The following PUDP variants were observed in gnomAD, a reference collection of about 807,000 sequenced individuals.
PUDP encodes pseudouridine-5'-phosphatase.
PUDP carries 8 observed loss-of-function variants against 9.4 expected under a neutral mutation model. That is an observed-to-expected ratio of 0.85 (90% CI 0.50 to 1.53). The LOEUF (loss-of-function observed/expected upper bound fraction) is 1.53, where lower values mean the gene tolerates loss of function less well. Among genes scored for constraint, PUDP ranks in the 40% most tolerant of loss-of-function variants. PUDP has a pLI of 0.00. For synonymous variants in PUDP, 99 were observed against 80.7 expected, an observed-to-expected ratio of 1.23 and a Z score of -1.22; for missense variants, 188 against 189.7, an observed-to-expected ratio of 0.99 and a Z score of 0.05.
chrX:7,022,298 A>T (rs1929644314), intron 1 of PUDP, among the ~76,000 whole-genome samples: 2 of 111,946 alleles, frequency 1.8e-5, no homozygotes, highest in Non-Finnish European at 3.8e-5. Flanking sequence ...TGCATGAAGT[A>T]CATCCTGTTT....
chrX:6,937,527 C>T (rs1928325306), intron 3 of PUDP, among the ~76,000 whole-genome samples: 1 of 103,890 alleles, frequency 9.6e-6, no homozygotes, highest in Admixed American at 1.1e-4. Flanking sequence ...ACCATAAAAA[C>T]CCTAGAAGAA....
chrX:6,760,803 C>T (rs1259872690), intron 3 of PUDP, among the ~76,000 whole-genome samples: 1 of 112,042 alleles, frequency 8.9e-6, no homozygotes, highest in African/African-American at 3.2e-5. Flanking sequence ...AATTAGTAAG[C>T]ATCACTACCG....
intron 3 of PUDP, among the ~76,000 whole-genome samples, chrX:6,805,464 G>A (rs1433033347): frequency 1.8e-5 from 2 of 110,299 alleles, no homozygotes; most frequent in Non-Finnish European, 3.8e-5. Context: ...CTGAGGCCCA[G>A]AGTACAAAGA....
At chrX:6,932,502 C>CGAACAG (rs1217421983) in intron 3 of PUDP, among the ~76,000 whole-genome samples, 1 of 111,691 alleles carries the variant, frequency 9.0e-6, no homozygotes, top group Non-Finnish European at 1.9e-5. Flanking sequence ...CCATGATGGC[C>CGAACAG]GAACAGGAAC....
chrX:6,986,655 G>A (rs1479511206), intron 1 of PUDP, among the ~76,000 whole-genome samples: 2 of 111,623 alleles, frequency 1.8e-5, no homozygotes, highest in Non-Finnish European at 3.8e-5. Flanking sequence ...CAGGGCTCGG[G>A]TCTGACATGA....
chrX:6,841,498 G>A (rs1926670161), intron 3 of PUDP, among the ~76,000 whole-genome samples: 1 of 110,031 alleles, frequency 9.1e-6, no homozygotes, highest in Admixed American at 9.7e-5. Flanking sequence ...CTACTCTGGA[G>A]GCTGAGGTGG....
At chrX:7,064,395 C>T (rs747997487) in intron 3 of PUDP, among the ~76,000 whole-genome samples, 5 of 112,040 alleles carry the variant, frequency 4.5e-5, no homozygotes, top group African/African-American at 9.7e-5. Context: ...GGGAACACAA[C>T]CAGAAACCGT....
intron 3 of PUDP, among the ~76,000 whole-genome samples, chrX:6,967,805 T>C (rs1257579621): frequency 8.9e-6 from 1 of 111,839 alleles, no homozygotes; most frequent in Non-Finnish European, 1.9e-5. Flanking sequence ...GGACTTTAAC[T>C]TTCCCTCTGC....
At chrX:7,007,471 G>A (rs1409680759) in intron 1 of PUDP, among the ~76,000 whole-genome samples, 1 of 112,665 alleles carries the variant, frequency 8.9e-6, no homozygotes, top group Non-Finnish European at 1.9e-5. Flanking sequence ...TGCAATATAA[G>A]TAAAACACCA....
rs777392270 is a variant in PUDP at position 6,975,650 on chromosome X, C to G, written c.*247+1483G>C. 4.5e-5 allele frequency among the ~76,000 whole-genome samples: 5 copies of G among 111,582 alleles called. No homozygotes were observed. The South Asian group carries it at 1.9e-3, about 42-fold the overall frequency. ...CTCTCCTGTATGAGGTGTCTGTTGA[C>G]CCCTACTGGGAGGTGTCTCCCAGTC... On this transcript the variant is annotated intron_variant and NMD_transcript_variant, in intron 3 of 3. Coordinates refer to the PUDP transcript ENST00000655425.
At chrX:6,985,235 C>A (rs186081734) in intron 1 of PUDP, among the ~76,000 whole-genome samples, 1 of 112,252 alleles carries the variant, frequency 8.9e-6, no homozygotes, top group Admixed American at 9.4e-5. Context: ...CTAAGCTATA[C>A]ATCTATGTGT....
chrX:6,934,181 C>T (rs1446391595), intron 3 of PUDP, among the ~76,000 whole-genome samples: 1 of 106,486 alleles, frequency 9.4e-6, no homozygotes, highest in Non-Finnish European at 1.9e-5. Flanking sequence ...ACATAATTGT[C>T]AGATTCACCA....
chrX:6,857,755 A>T (rs1926928947), intron 3 of PUDP, among the ~76,000 whole-genome samples: 1 of 111,794 alleles, frequency 8.9e-6, no homozygotes, highest in Non-Finnish European at 1.9e-5. Context: ...GGATTTAAAA[A>T]TGAGATGTAA....
At chrX:6,971,005 C>G (rs1170313328) in intron 3 of PUDP, among the ~76,000 whole-genome samples, 1 of 110,532 alleles carries the variant, frequency 9.0e-6, no homozygotes, top group Admixed American at 9.6e-5. Flanking sequence ...GAGCTAAGGT[C>G]ACACCACTGC....
At chrX:6,855,137 T>G (rs1244252590) in intron 3 of PUDP, among the ~76,000 whole-genome samples, 3 of 109,173 alleles carry the variant, frequency 2.7e-5, no homozygotes, top group Non-Finnish European at 5.7e-5. Flanking sequence ...TTCAGCCTCC[T>G]CAAAGTGAGA....
chrX:7,123,037 AC>A (rs1395773354), intron 1 of PUDP, among the ~76,000 whole-genome samples: 3 of 112,018 alleles, frequency 2.7e-5, no homozygotes, highest in Admixed American at 1.9e-4. Flanking sequence ...AATTAAAAAA[AC>A]GTCTCTGGTG....
Position 6,815,181 on chromosome X carries a change from AAAAAAAG to A in PUDP, c.*248-108722_*248-108716del, listed in dbSNP as rs1406653975. The stretch of plus-strand genomic sequence containing the variant: ...GATAACTTATTGAAAATGAAAAAAA[AAAAAAAG>A]AAAGAAACCCAGCCTGTCCATTTGG... On this transcript the variant is annotated intron_variant and NMD_transcript_variant, in intron 3 of 3. Coordinates refer to the PUDP transcript ENST00000655425. 2.7e-5 allele frequency among the ~76,000 whole-genome samples: 3 copies of A among 110,123 alleles called. No homozygotes were observed. In the East Asian group the frequency reaches 8.5e-4, roughly 31 times the overall value.
chrX:6,720,728 T>C (rs1205994518), intron 1 of PUDP, among the ~76,000 whole-genome samples: 1 of 110,785 alleles, frequency 9.0e-6, no homozygotes, highest in African/African-American at 3.3e-5. Flanking sequence ...ACCTAGTGCA[T>C]AGTAAAAGTT....
intron 3 of PUDP, among the ~76,000 whole-genome samples, chrX:6,908,899 G>T (rs1927807720): frequency 9.0e-6 from 1 of 111,543 alleles, no homozygotes; most frequent in Non-Finnish European, 1.9e-5. Context: ...AGCCTCCATG[G>T]CTAGACACCA....
Sources: allele counts gnomAD v4.1 joint callset (sites outside exome capture counted in the v4.1 genomes callset), GRCh38; gene constraint gnomAD v4.1.1; transcripts MANE v1.5; gene names NCBI Gene and HGNC (gene_info 2026-07-23, HGNC 2026-07-21).